The following PTPN4 variants were observed in gnomAD, a reference collection of about 807,000 sequenced individuals.
PTPN4 encodes tyrosine-protein phosphatase non-receptor type 4.
PTPN4 carries 49 observed loss-of-function variants against 135.5 expected under a neutral mutation model. That is an observed-to-expected ratio of 0.36 (90% confidence interval 0.29 to 0.46). PTPN4 has a LOEUF of 0.46. Among genes scored for constraint, PTPN4 ranks in the 20% least tolerant of loss-of-function variants. The pLI is 1.00. For missense variants in PTPN4, 860 were observed against 1,101.0 expected (o/e 0.78, Z 3.10); for synonymous variants, 333 against 369.9 (o/e 0.90, Z 1.14).
intron 11 of PTPN4, among the ~76,000 whole-genome samples, chr2:119,917,586 T>TG (rs966360607): frequency 2.0e-5 from 3 of 151,906 alleles, no homozygotes; most frequent in African/African-American, 7.2e-5. Context: ...TACAAAAAAA[T>TG]GGTTGTGGTG....
intron 2 of PTPN4, among the ~76,000 whole-genome samples, chr2:119,822,360 C>A (rs903239786): frequency 1.5e-5 from 2 of 130,474 alleles, no homozygotes; most frequent in Non-Finnish European, 3.4e-5. Flanking sequence ...TCCCCTCCCC[C>A]CCCCTTTTTT....
intron 1 of PTPN4, among the ~76,000 whole-genome samples, chr2:119,767,778 A>G (rs1690655312): frequency 6.6e-6 from 1 of 152,214 alleles, no homozygotes; most frequent in Admixed American, 6.5e-5. Context: ...TAATGTCGTG[A>G]TATTCTTAGT....
At position 119,980,183 on chromosome 2, in the gene PTPN4, C is replaced by CA. The variant is rs1679671082; in HGVS notation, c.*3116dup. 1.3e-5 allele frequency: 2 copies of CA among 151,956 alleles called. No homozygotes were observed. The highest frequency in any genetic ancestry group is 4.8e-5 in the African/African-American group (2 of 41,386). The allele number at this position is 151,956 out of a possible 1,614,324, so 9.4% of individuals were successfully genotyped here. Reference sequence around the variant, plus strand: ...TACATGAAATCTGACTTCAGTTGTGCAAAGGTATGTTAAGACATTAAGACA... The same window carrying CA: ...TACATGAAATCTGACTTCAGTTGTGCAAAAGGTATGTTAAGACATTAAGACA... On this transcript the variant is annotated 3_prime_UTR_variant, in exon 27 of 27. Transcript: ENST00000263708.
Position 119,862,622 on chromosome 2 carries a change from T to C in PTPN4, c.225T>C (p.Ala75=), listed in dbSNP as rs746513137. 2 of 1,611,718 alleles carry C rather than the reference T, an allele frequency of 1.2e-6. No individual in the cohort carries two copies. Among genetic ancestry groups the C allele is most frequent in the Admixed American group, 1.7e-5 (1 of 59,956 alleles). The part of the protein sequence containing the change: ...TEQDYFGLQL[A]DDSTDNPRWL... Reference sequence around the variant, plus strand: ...AGGACTATTTTGGTTTACAGTTGGCTGATGATTCCACAGATAACCCAGTAA... The same window carrying C: ...AGGACTATTTTGGTTTACAGTTGGCCGATGATTCCACAGATAACCCAGTAA... The change falls in exon 3 of 27, where the codon GCT becomes GCC. Residue 75 remains alanine (A), a synonymous_variant. Transcript: ENST00000263708.
At chr2:119,914,964 T>G (rs578050421) in intron 10 of PTPN4, among the ~76,000 whole-genome samples, 1 of 152,304 alleles carries the variant, frequency 6.6e-6, no homozygotes, top group South Asian at 2.1e-4. Flanking sequence ...TTTTTAAGTA[T>G]TTCTGTAGAT....
chr2:119,948,976 CTTTA>C (rs1271204328), intron 18 of PTPN4, among the ~76,000 whole-genome samples: 2 of 151,902 alleles, frequency 1.3e-5, no homozygotes, highest in Admixed American at 1.3e-4. Context: ...ATACACATTT[CTTTA>C]TTTACATGAC....
rs1679720932 is a variant in PTPN4, at chr2:119,983,259, A to G, written c.*6189A>G. 6.6e-6 allele frequency: 1 copy of G among 152,192 alleles called. No individual in the cohort carries two copies. Among genetic ancestry groups the G allele is most frequent in the African/African-American group, 2.4e-5 (1 of 41,444 alleles). The allele number at this position is 152,192 out of a possible 1,614,324, so 9.4% of individuals were successfully genotyped here. On this transcript the variant is annotated 3_prime_UTR_variant, in exon 27 of 27. Transcript: ENST00000263708. ...TCGCTAAGTACAATTATTACCAGGA[A>G]TCCGTCAAGGGGGAGATAGCCCCGC...
chr2:119,881,110 A>G (rs904582599), intron 5 of PTPN4, among the ~76,000 whole-genome samples: 8 of 152,246 alleles, frequency 5.3e-5, no homozygotes, highest in Non-Finnish European at 4.4e-5. Context: ...ACCCACTAGC[A>G]GAGACCAAAG....
chr2:119,762,722 C>CA (rs879344568), intron 1 of PTPN4, among the ~76,000 whole-genome samples: 10 of 152,074 alleles, frequency 6.6e-5, no homozygotes, highest in Admixed American at 2.0e-4. Flanking sequence ...AGTTAGAATG[C>CA]AAAATTGATC....
At chr2:119,908,687 G>A (rs1678524430) in intron 10 of PTPN4, among the ~76,000 whole-genome samples, 1 of 152,164 alleles carries the variant, frequency 6.6e-6, no homozygotes, top group Admixed American at 6.5e-5. Context: ...GCAAGGAAGA[G>A]TTGCACTTCT....
intron 1 of PTPN4, among the ~76,000 whole-genome samples, chr2:119,784,696 A>ATTT (rs58879330): frequency 3.8e-4 from 42 of 110,120 alleles, no homozygotes; most frequent in African/African-American, 4.5e-4. Context: ...TGCCCAGCTA[A>ATTT]TTTTTTTTTT....
chr2:119,827,137 C>T (rs1430910624), intron 2 of PTPN4, among the ~76,000 whole-genome samples: 1 of 152,162 alleles, frequency 6.6e-6, no homozygotes, highest in Non-Finnish European at 1.5e-5. Flanking sequence ...CCTATACATA[C>T]ACATTTGCTT....
intron 9 of PTPN4, 80 bp from the exon 10 acceptor site, chr2:119,900,638 T>G: frequency 2.3e-6 from 2 of 868,708 alleles, no homozygotes; most frequent in East Asian, 5.8e-5. Context: ...GTTTTAAAAA[T>G]AGAATCCTAT....
chr2:119,942,764 G>T (rs1220156031), intron 15 of PTPN4, among the ~76,000 whole-genome samples: 1 of 152,128 alleles, frequency 6.6e-6, no homozygotes, highest in Non-Finnish European at 1.5e-5. Context: ...GTCCATCTCT[G>T]TGTGCTCTAA....
intron 1 of PTPN4, among the ~76,000 whole-genome samples, chr2:119,800,202 A>G (rs1395252560): frequency 6.6e-6 from 1 of 152,118 alleles, no homozygotes; most frequent in African/African-American, 2.4e-5. Context: ...TTTGAATTGT[A>G]TGTATTTGTT....
intron 26 of PTPN4, among the ~76,000 whole-genome samples, chr2:119,975,866 G>C (rs571533950): frequency 4.6e-5 from 7 of 152,044 alleles, no homozygotes; most frequent in African/African-American, 1.4e-4. Context: ...TTATTCCAAA[G>C]TATAAATCTA....
At position 119,957,093 on chromosome 2, in the gene PTPN4, T is replaced by G; in HGVS notation, c.2133+16T>G. ...CTATATAAATGTAAGTTTATTCTTA[T>G]TATGCCTTTGCCATTTGGAAAAATA... On this transcript the variant is annotated intron_variant, in intron 22 of 26. Coordinates refer to ENST00000263708, the MANE Select transcript of PTPN4 (RefSeq NM_002830.4). 1 of 1,591,624 alleles carries G rather than the reference T, an allele frequency of 6.3e-7. No homozygotes were observed. Among genetic ancestry groups the G allele is most frequent in the Non-Finnish European group, 8.5e-7 (1 of 1,169,726 alleles).
rs115738567 is a variant in PTPN4 at position 119,904,793 on chromosome 2, A to G, written c.764+3987A>G. Among the ~76,000 whole-genome samples, 1,287 of 152,306 alleles carry G rather than the reference A, an allele frequency of 8.5e-3. 19 individuals carry two copies. Among genetic ancestry groups the G allele is most frequent in the African/African-American group, 0.029 (1,219 of 41,560 alleles). The stretch of plus-strand genomic sequence containing the variant: ...ATGCTGACTGAGGATACATCACCCA[A>G]GCAAATCTACCCTTCAGAAGTGAAG... On this transcript the variant is annotated intron_variant, in intron 10 of 26. Coordinates refer to ENST00000263708, the MANE Select transcript of PTPN4 (RefSeq NM_002830.4).
intron 5 of PTPN4, among the ~76,000 whole-genome samples, chr2:119,878,961 C>T (rs553511633): frequency 5.9e-5 from 9 of 151,696 alleles, no homozygotes; most frequent in East Asian, 3.9e-4. Context: ...GGTGTGGTGG[C>T]AGGCGCCTGT....
Sources: allele counts gnomAD v4.1 joint callset (sites outside exome capture counted in the v4.1 genomes callset), GRCh38; gene constraint gnomAD v4.1.1; transcripts MANE v1.5; gene names NCBI Gene and HGNC (gene_info 2026-07-23, HGNC 2026-07-21).